ASNS: variants seen among roughly 807,000 people sequenced by gnomAD.
ASNS encodes asparagine synthetase (glutamine-hydrolyzing).
ASNS carries 37 observed loss-of-function variants against 62.6 expected under a neutral mutation model. The ratio of observed to expected loss-of-function variants is 0.59; its 90% CI spans 0.45 to 0.78. The LOEUF is 0.78. Among genes scored for constraint, ASNS ranks in the 30% least tolerant of loss-of-function variants. ASNS has a pLI of 0.00. For missense variants in ASNS, 520 were observed against 682.4 expected (o/e 0.76, Z 2.65); for synonymous variants, 207 against 237.9 (o/e 0.87, Z 1.19).
chr7:97,903,818 C>A, the ASNS span, among the ~76,000 whole-genome samples: 4 of 152,198 alleles, frequency 2.6e-5, no homozygotes, highest in African/African-American at 9.7e-5. Context: ...TACACTAAAT[C>A]CAATTCTCTG....
At chr7:97,908,139 A>G in the ASNS span, 5 of 152,264 alleles carry the variant, frequency 3.3e-5, no homozygotes, top group African/African-American at 1.2e-4. Flanking sequence ...TGTAGGAAGT[A>G]GAAGTGCTAA....
the ASNS span, among the ~76,000 whole-genome samples, chr7:97,925,634 T>C: frequency 6.6e-6 from 1 of 152,132 alleles, no homozygotes; most frequent in South Asian, 2.1e-4. Context: ...GAAGGGAAAA[T>C]ACCTGCAACG....
At chr7:97,914,419 AT>A in the ASNS span, among the ~76,000 whole-genome samples, 44 of 152,326 alleles carry the variant, frequency 2.9e-4, no homozygotes, top group African/African-American at 9.9e-4. Flanking sequence ...CAAAACTGGC[AT>A]TGACAACTAG....
At chr7:97,855,320 A>T (rs776050898) in intron 9 of ASNS, 33 bp downstream of exon 9, 1 of 1,416,474 alleles carries the variant, frequency 7.1e-7, no homozygotes, top group Non-Finnish European at 9.9e-7. Flanking sequence ...TTCTTAATAT[A>T]GCATGAATAT....
chr7:97,928,362 G>T, the ASNS span: 1 of 976,146 alleles, frequency 1.0e-6, no homozygotes, highest in Non-Finnish European at 1.5e-6. Flanking sequence ...CCTCTCGGCG[G>T]AGCTGGGGCG....
chr7:97,860,428 G>A (rs1791659714), intron 4 of ASNS, among the ~76,000 whole-genome samples: 1 of 152,228 alleles, frequency 6.6e-6, no homozygotes, highest in Non-Finnish European at 1.5e-5. Flanking sequence ...CAGGGGAGCA[G>A]GAGGCTGCTT....
intron 4 of ASNS, among the ~76,000 whole-genome samples, chr7:97,862,444 G>A (rs767678843): frequency 2.0e-5 from 3 of 152,152 alleles, no homozygotes; most frequent in Non-Finnish European, 4.4e-5. Flanking sequence ...AGTAATGACT[G>A]GGGGGTTAGG....
the ASNS span, among the ~76,000 whole-genome samples, chr7:97,914,151 CATGGATGGATGGATGG>C: frequency 1.4e-3 from 177 of 125,160 alleles, no homozygotes; most frequent in Non-Finnish European, 1.8e-3. Context: ...TGGATGGATG[CATGGATGGATGGATGG>C]ATGGATGGAT....
chr7:97,859,019 G>T (rs1340140116), intron 5 of ASNS, 64 bp from the exon 6 acceptor site: 43 of 1,476,562 alleles, frequency 2.9e-5, no homozygotes, highest in African/African-American at 4.2e-5. Context: ...TTATTGAAAT[G>T]AAATACACAA....
the ASNS span, among the ~76,000 whole-genome samples, chr7:97,909,216 A>G: frequency 9.3e-5 from 14 of 149,910 alleles, no homozygotes; most frequent in Admixed American, 4.7e-4. Context: ...TTGGTATCCT[A>G]TGGTTTTTGT....
At chr7:97,890,192 G>A in the ASNS span, among the ~76,000 whole-genome samples, 1 of 152,076 alleles carries the variant, frequency 6.6e-6, no homozygotes, top group African/African-American at 2.4e-5. Context: ...AAGGCTACAT[G>A]ACATATGGGA....
the ASNS span, among the ~76,000 whole-genome samples, chr7:97,881,866 C>T: frequency 2.6e-5 from 4 of 152,044 alleles, no homozygotes; most frequent in African/African-American, 7.3e-5. Flanking sequence ...ACCCCAATCC[C>T]AACACAGCGT....
chr7:97,919,643 G>T, the ASNS span, among the ~76,000 whole-genome samples: 1 of 152,202 alleles, frequency 6.6e-6, no homozygotes, highest in African/African-American at 2.4e-5. Flanking sequence ...AGACTAGCAA[G>T]GACACAAGCC....
the ASNS span, among the ~76,000 whole-genome samples, chr7:97,881,382 C>A: frequency 6.6e-6 from 1 of 151,766 alleles, no homozygotes; most frequent in South Asian, 2.1e-4. Flanking sequence ...TAACACCCCC[C>A]GCCCCCCCAA....
the ASNS span, chr7:97,898,414 G>A: frequency 1.9e-6 from 1 of 516,270 alleles, no homozygotes; most frequent in Non-Finnish European, 3.6e-6. Flanking sequence ...TCCCTAGTGG[G>A]TTTTCCAGAA....
chr7:97,906,385 A>G, the ASNS span: 2,505 of 303,162 alleles, frequency 8.3e-3, 21 homozygotes, highest in Non-Finnish European at 0.012. Context: ...TCCTCCAGAT[A>G]TGGCCTCAAC....
At chr7:97,896,739 C>CATATATATATATATATATATAT in the ASNS span, among the ~76,000 whole-genome samples, 90 of 31,906 alleles carry the variant, frequency 2.8e-3, 1 homozygote, top group Non-Finnish European at 5.0e-3. Context: ...CACACACACA[C>CATATATATATATATATATATAT]ACATATATAT....
chr7:97,914,057 T>A, the ASNS span, among the ~76,000 whole-genome samples: 1 of 132,960 alleles, frequency 7.5e-6, no homozygotes, highest in Non-Finnish European at 1.5e-5. Context: ...GGTGGGTAGG[T>A]GGATGATAGC....
chr7:97,894,480 C>CAAAAAAAAAAAA, the ASNS span, among the ~76,000 whole-genome samples: 1 of 36,540 alleles, frequency 2.7e-5, no homozygotes, highest in Non-Finnish European at 4.6e-5. Context: ...TGAGGCTAAC[C>CAAAAAAAAAAAA]AAAAAAAAAA....
Sources: gnomAD v4.1 joint callset for allele counts (sites outside exome capture counted in the v4.1 genomes callset) on GRCh38, gnomAD v4.1.1 for gene constraint, MANE v1.5 for transcripts, NCBI Gene and HGNC (gene_info 2026-07-23, HGNC 2026-07-21) for gene names.